Variants in USF3 observed in about 807,000 individuals in gnomAD.
USF3 encodes the protein basic helix-loop-helix domain-containing protein USF3.
In USF3, 29 loss-of-function variants were observed where a neutral mutation model predicts 157.5. That is an observed-to-expected ratio of 0.18 (90% CI 0.14 to 0.25). The LOEUF is 0.25. Among genes scored for constraint, USF3 ranks in the 10% least tolerant of loss-of-function variants. The probability of loss-of-function intolerance (pLI) is 1.00; values close to 1 mark genes in which losing one functional copy is unlikely to be tolerated. For synonymous variants in USF3, 893 were observed against 941.4 expected (o/e 0.95, Z 0.94); for missense variants, 2,381 against 2,667.6 (o/e 0.89, Z 2.37).
intron 1 of USF3, among the ~76,000 whole-genome samples, chr3:113,679,447 T>A (rs889510204): frequency 6.8e-6 from 1 of 147,252 alleles, no homozygotes; most frequent in African/African-American, 2.5e-5. Context: ...AGAGTCTCGC[T>A]GTGTCACCCA....
rs201884814 is a variant in USF3 at position 113,657,637 on chromosome 3, G to A, written c.4045C>T (p.Pro1349Ser). 6.9e-5 allele frequency: 112 copies of A among 1,614,190 alleles called. No homozygotes were observed. The African/African-American group carries it at 1.4e-3, about 20-fold the overall frequency. ...ATACTTTCAAGCCTGAGGGGGGCTG[G>A]CTGACAGTGCTTTTGACGTTTAGCT... ...SSAKRQKHCQ[P>S]APLRLESMSL... The change falls in exon 7 of 7, where the codon CCA (proline) becomes TCA (serine). Residue 1349 changes from proline to serine, a missense_variant. Physicochemically the swap from Pro to Ser is moderately conservative, Grantham distance 74. Coordinates refer to ENST00000316407, the MANE Select transcript of USF3 (RefSeq NM_001009899.4).
chr3:113,656,292 A>C lies in USF3; in HGVS notation c.5390T>G (p.Val1797Gly). Residue 1797 changes from valine to glycine, a missense_variant, in exon 7 of 7, where the codon GTT becomes GGT. Physicochemically the swap from Val to Gly is moderately radical, Grantham distance 109. This residue lies in a region of USF3 where 770 missense variants were observed against 824.2 expected (regional missense o/e 0.93). Transcript: ENST00000316407. ...ACCATTTCCTGTTGGGATGCTCTGAACTGGTGGGTAAGATAATCTCTTTTG... is the reference window on the plus strand; with the variant it reads ...ACCATTTCCTGTTGGGATGCTCTGACCTGGTGGGTAAGATAATCTCTTTTG... ...DRQKRLSYPP[V>G]QSIPTGNGIP... 1 of 1,614,168 alleles carries C rather than the reference A, an allele frequency of 6.2e-7. No individual in the cohort carries two copies. The highest frequency in any genetic ancestry group is 8.5e-7 in the Non-Finnish European group (1 of 1,180,026).
intron 5 of USF3, among the ~76,000 whole-genome samples, chr3:113,669,408 G>T (rs970804639): frequency 4.0e-5 from 6 of 151,680 alleles, no homozygotes; most frequent in Admixed American, 6.6e-5. Context: ...AATGTTTGTT[G>T]TTTTAAGCTT....
intron 1 of USF3, among the ~76,000 whole-genome samples, chr3:113,682,969 T>G (rs2107954638): frequency 6.6e-6 from 1 of 151,910 alleles, no homozygotes; most frequent in East Asian, 1.9e-4. Flanking sequence ...TCATTTACAT[T>G]CAATATTATT....
In USF3 at chr3:113,652,106, AGAGTGTGTGTGT is replaced by A. The variant is rs1398959301; in HGVS notation, c.*2826_*2837del. The stretch of plus-strand genomic sequence containing the variant: ...ACTGGAGAGAGAGAGAGAGAGAGAG[AGAGTGTGTGTGT>A]GTGTGTGTGTGTGTGTGTGTGTATA... On this transcript the variant is annotated 3_prime_UTR_variant, in exon 7 of 7. Transcript: ENST00000316407. The A allele has an allele frequency of 4.6e-5, 6 of 129,934 alleles. No individual in the cohort carries two copies. Among genetic ancestry groups the A allele is most frequent in the African/African-American group, 1.7e-4 (6 of 35,000 alleles). 8.0% of individuals were successfully genotyped at this position (129,934 alleles called of 1,614,324 possible).
chr3:113,655,516 G>C lies in USF3; in HGVS notation c.6166C>G (p.Gln2056Glu). Residue 2056 changes from glutamine (Q) to glutamate (E), a missense_variant, in exon 7 of 7, where the codon CAG (glutamine) becomes GAG (glutamate). Transcript: ENST00000316407. ...QVPNDNSGPD[Q>E]HTLSQNFGFS... Reference sequence around the variant, plus strand: ...CCAAAATTTTGTGATAGTGTATGCTGGTCAGGACCTGAATTATCATTAGGT... The same window carrying C: ...CCAAAATTTTGTGATAGTGTATGCTCGTCAGGACCTGAATTATCATTAGGT... 6.2e-7 allele frequency: 1 copy of C among 1,614,142 alleles called. No individual in the cohort carries two copies. The highest frequency in any genetic ancestry group is 1.1e-5 in the South Asian group (1 of 91,074).
intron 1 of USF3, among the ~76,000 whole-genome samples, chr3:113,691,973 AT>A (rs1707695782): frequency 6.6e-6 from 1 of 152,060 alleles, no homozygotes; most frequent in African/African-American, 2.4e-5. Flanking sequence ...GTGGAAGACA[AT>A]TTTTCCATGG....
chr3:113,674,796 C>T, intron 3 of USF3, 36 bp downstream of exon 3: 1 of 1,582,160 alleles, frequency 6.3e-7, no homozygotes. Context: ...TTCTTATCTG[C>T]CCAAAGCATA....
chr3:113,652,820 GTGGCACAGACCTGTA>G lies in USF3; in HGVS notation c.*2109_*2123del. ...AAAATATAAAAATTAGCCAGGTGTA[GTGGCACAGACCTGTA>G]ATCTCAGCTACTCGGGAGGCTGAGG... On this transcript the variant is annotated 3_prime_UTR_variant, in exon 7 of 7. Coordinates refer to ENST00000316407, the MANE Select transcript of USF3 (RefSeq NM_001009899.4). 5.4e-6 allele frequency: 1 copy of G among 185,044 alleles called. No individual in the cohort carries two copies. The highest frequency in any genetic ancestry group is 1.1e-5 in the Non-Finnish European group (1 of 89,236). The allele number at this position is 185,044 out of a possible 1,614,324, so 11.5% of individuals were successfully genotyped here.
chr3:113,683,100 T>C (rs1035769840), intron 1 of USF3, among the ~76,000 whole-genome samples: 60 of 152,154 alleles, frequency 3.9e-4, no homozygotes, highest in African/African-American at 1.4e-3. Flanking sequence ...TCTTGCTTTA[T>C]ACATGTTGCG....
Position 113,652,108 on chromosome 3 carries a change from A to AGAGTGTGTGTGTGTGTGTGTGTGTGT in USF3, c.*2835_*2836insACACACACACACACACACACACACTC, listed in dbSNP as rs1266464109. Reference sequence around the variant, plus strand: ...TGGAGAGAGAGAGAGAGAGAGAGAGAGTGTGTGTGTGTGTGTGTGTGTGTG... The same window carrying AGAGTGTGTGTGTGTGTGTGTGTGTGT: ...TGGAGAGAGAGAGAGAGAGAGAGAGAGAGTGTGTGTGTGTGTGTGTGTGTGTGTGTGTGTGTGTGTGTGTGTGTGTG... On this transcript the variant is annotated 3_prime_UTR_variant, in exon 7 of 7. Coordinates refer to ENST00000316407, the MANE Select transcript of USF3 (RefSeq NM_001009899.4). 2.8e-5 allele frequency: 4 copies of AGAGTGTGTGTGTGTGTGTGTGTGTGT among 142,082 alleles called. No individual in the cohort carries two copies. Among genetic ancestry groups the AGAGTGTGTGTGTGTGTGTGTGTGTGT allele is most frequent in the African/African-American group, 7.8e-5 (3 of 38,384 alleles). The allele number at this position is 142,082 out of a possible 1,614,324, so 8.8% of individuals were successfully genotyped here. A position where few individuals can be genotyped will look rare whatever the true frequency, so the allele number is the denominator to read the frequency against.
chr3:113,690,562 G>A (rs1707660796), intron 1 of USF3, among the ~76,000 whole-genome samples: 1 of 152,066 alleles, frequency 6.6e-6, no homozygotes, highest in Non-Finnish European at 1.5e-5. Flanking sequence ...AGCTAATTAT[G>A]CCATCTACCC....
In USF3 at chr3:113,660,034, G is replaced by C; in HGVS notation, c.1648C>G (p.Gln550Glu). 1.2e-6 allele frequency: 2 copies of C among 1,614,130 alleles called. No homozygotes were observed. The highest frequency in any genetic ancestry group is 1.7e-6 in the Non-Finnish European group (2 of 1,179,994). The stretch of plus-strand genomic sequence containing the variant: ...GGTGGCTGAAGAATTATAACATTTT[G>C]ATTAGTTGGAGCTGAATTAACAGCT... Reference protein sequence around the residue: ...GSAVNSAPTNQNVIILQPPST... With the variant: ...GSAVNSAPTNENVIILQPPST... Residue 550 changes from glutamine to glutamate, a missense_variant, in exon 7 of 7, where the codon CAA becomes GAA. By Grantham distance (29) the Gln-to-Glu change is conservative. This residue lies in a region of USF3 where 1,435 missense variants were observed against 1,550.9 expected (regional missense o/e 0.93). Transcript: ENST00000316407.
chr3:113,679,164 T>C (rs185511572), intron 1 of USF3, among the ~76,000 whole-genome samples: 3 of 152,138 alleles, frequency 2.0e-5, no homozygotes, highest in African/African-American at 7.2e-5. Context: ...ACATTAGTAA[T>C]CTCTGAATTA....
At position 113,660,212 on chromosome 3, in the gene USF3, T is replaced by G. The variant is rs1221070447; in HGVS notation, c.1470A>C (p.Pro490=). ...LNNSFPADGQ[P]VEQVVVTLPS... Reference sequence around the variant, plus strand: ...GCAATGTTACAACTACTTGCTCAACTGGCTGCCCATCTGCTGGAAAGGAAT... The same window carrying G: ...GCAATGTTACAACTACTTGCTCAACGGGCTGCCCATCTGCTGGAAAGGAAT... The change falls in exon 7 of 7, where the codon CCA becomes CCC. Residue 490 remains proline (P), a synonymous_variant. Transcript: ENST00000316407. The G allele has an allele frequency of 6.2e-7, 1 of 1,614,230 alleles. No homozygotes were observed. Among genetic ancestry groups the G allele is most frequent in the Non-Finnish European group, 8.5e-7 (1 of 1,180,028 alleles).
chr3:113,679,973 C>T (rs1292653016), intron 1 of USF3, among the ~76,000 whole-genome samples: 2 of 146,636 alleles, frequency 1.4e-5, no homozygotes, highest in Non-Finnish European at 3.0e-5. Context: ...GACAGAGTTT[C>T]GCTCTTTTTG....
Position 113,649,833 on chromosome 3 carries a change from A to G in USF3, c.*5111T>C. 2 of 702,922 alleles carry G rather than the reference A, an allele frequency of 2.8e-6. No individual in the cohort carries two copies. The highest frequency in any genetic ancestry group is 3.0e-5 in the South Asian group (2 of 67,590). The allele number at this position is 702,922 out of a possible 1,614,324, so 43.5% of individuals were successfully genotyped here. On this transcript the variant is annotated 3_prime_UTR_variant, in exon 7 of 7. Transcript: ENST00000316407. ...AATCTAAATTTGGTGTCCCCCCTCC[A>G]CAGGTTCTAGTAGAAACCTACGCAT...
At position 113,656,958 on chromosome 3, in the gene USF3, G is replaced by A. The variant is rs1272189715; in HGVS notation, c.4724C>T (p.Thr1575Ile). The change falls in exon 7 of 7, where the codon ACA becomes ATA. Residue 1575 changes from threonine to isoleucine, a missense_variant. Around this residue, in one of 6 missense-constraint regions of USF3, gnomAD observed 770 missense variants for 824.2 expected, o/e 0.93. Coordinates refer to ENST00000316407, the MANE Select transcript of USF3 (RefSeq NM_001009899.4). ...TGAAGGGTTTTCACAGCTCTTCTCT[G>A]TCTGGGAGCTTCCAAAGTGTTGCTG... Reference protein sequence around the residue: ...QMQQHFGSSQTEKSCENPSTS... With the variant: ...QMQQHFGSSQIEKSCENPSTS... The A allele has an allele frequency of 6.2e-7, 1 of 1,614,184 alleles. No homozygotes were observed.
intron 1 of USF3, among the ~76,000 whole-genome samples, chr3:113,683,113 T>C (rs1326128525): frequency 1.3e-5 from 2 of 152,064 alleles, no homozygotes; most frequent in Non-Finnish European, 2.9e-5. Context: ...ATGTTGCGTA[T>C]TTATTGTATT....
Sources: allele counts gnomAD v4.1 joint callset (sites outside exome capture counted in the v4.1 genomes callset), GRCh38; gene constraint gnomAD v4.1.1; regional missense constraint gnomAD v4.1.1; transcripts MANE v1.5; gene names NCBI Gene and HGNC (gene_info 2026-07-23, HGNC 2026-07-21).